CNTN6: variants seen among roughly 807,000 people sequenced by gnomAD.
CNTN6 encodes contactin 6.
In CNTN6, 137 loss-of-function variants were observed where a neutral mutation model predicts 122.8. The ratio of observed to expected loss-of-function variants is 1.12; its 90% CI spans 0.97 to 1.29. CNTN6 has a LOEUF of 1.29. Among genes scored for constraint, CNTN6 ranks in the 50% most tolerant of loss-of-function variants. The probability of loss-of-function intolerance (pLI) is 0.00; values close to 1 mark genes in which losing one functional copy is unlikely to be tolerated. For missense variants in CNTN6, 1,634 were observed against 1,223.4 expected (o/e 1.34, Z -5.01); for synonymous variants, 570 against 426.0 (o/e 1.34, Z -4.16).
chr3:1,234,444 A>G (rs1403055233), intron 4 of CNTN6, among the ~76,000 whole-genome samples: 1 of 152,158 alleles, frequency 6.6e-6, no homozygotes, highest in Non-Finnish European at 1.5e-5. Context: ...AGAGTTTCCA[A>G]ATTTCTTTAA....
chr3:1,264,872 C>T (rs540857596), intron 4 of CNTN6, among the ~76,000 whole-genome samples: 1 of 152,142 alleles, frequency 6.6e-6, no homozygotes, highest in Admixed American at 6.6e-5. Context: ...CTATGCACCC[C>T]TCTCCCCCAG....
intron 4 of CNTN6, among the ~76,000 whole-genome samples, chr3:1,275,926 T>C (rs1692270856): frequency 1.3e-5 from 2 of 152,352 alleles, no homozygotes; most frequent in Middle Eastern, 3.4e-3. Context: ...ATCCCTGTTT[T>C]ATAGTATTTG....
chr3:1,249,659 TC>T (rs1293131452), intron 4 of CNTN6, among the ~76,000 whole-genome samples: 6 of 152,238 alleles, frequency 3.9e-5, no homozygotes, highest in Non-Finnish European at 8.8e-5. Context: ...AGATCTACTT[TC>T]ACATACATAT....
At chr3:1,281,253 TA>T (rs1386510254) in intron 5 of CNTN6, among the ~76,000 whole-genome samples, 1 of 152,146 alleles carries the variant, frequency 6.6e-6, no homozygotes, top group Non-Finnish European at 1.5e-5. Flanking sequence ...CCAATCTCCC[TA>T]AAGGCTCCAT....
At chr3:1,105,482 A>G (rs2091174464) in intron 1 of CNTN6, among the ~76,000 whole-genome samples, 1 of 152,122 alleles carries the variant, frequency 6.6e-6, no homozygotes, top group East Asian at 1.9e-4. Context: ...TAAGTGTGAA[A>G]CCTTGAAAAA....
intron 2 of CNTN6, among the ~76,000 whole-genome samples, chr3:1,162,035 A>T (rs1245402535): frequency 3.3e-5 from 5 of 152,202 alleles, no homozygotes; most frequent in Non-Finnish European, 7.4e-5. Context: ...CAGAAAACAG[A>T]TGAAGAGTTT....
intron 4 of CNTN6, among the ~76,000 whole-genome samples, chr3:1,229,737 A>G (rs1284952602): frequency 1.3e-5 from 2 of 152,326 alleles, no homozygotes; most frequent in East Asian, 3.9e-4. Flanking sequence ...ATATGCTTTC[A>G]TCTGGCTAAA....
At chr3:1,278,166 A>G (rs987120255) in intron 4 of CNTN6, among the ~76,000 whole-genome samples, 2 of 152,234 alleles carry the variant, frequency 1.3e-5, no homozygotes, top group African/African-American at 4.8e-5. Context: ...TGTCTGGAAG[A>G]ATAAAAGCAA....
rs116840473 is a variant in CNTN6 at position 1,323,765 on chromosome 3, A to T, written c.946+1931A>T. Among the ~76,000 whole-genome samples the T allele has an allele frequency of 2.9e-3, 436 of 151,826 alleles. 4 individuals carry two copies. The highest frequency in any genetic ancestry group is 2.9e-3 in the Non-Finnish European group (198 of 67,806). On this transcript the variant is annotated intron_variant, in intron 8 of 22. Coordinates refer to ENST00000446702, the MANE Select transcript of CNTN6 (RefSeq NM_001289080.2). Reference sequence around the variant, plus strand: ...GTCAATATGGCAGAAAAAAATCTAAAACTCAAACCTGTATGGTAGACCCAA... The same window carrying T: ...GTCAATATGGCAGAAAAAAATCTAATACTCAAACCTGTATGGTAGACCCAA...
chr3:1,108,574 A>G (rs1574872140), intron 1 of CNTN6, among the ~76,000 whole-genome samples: 1 of 152,022 alleles, frequency 6.6e-6, no homozygotes, highest in Non-Finnish European at 1.5e-5. Context: ...AAACTGTAAT[A>G]TCATTGAGCT....
At chr3:1,393,235 T>A (rs1216646232) in intron 20 of CNTN6, among the ~76,000 whole-genome samples, 1 of 93,578 alleles carries the variant, frequency 1.1e-5, no homozygotes, top group Non-Finnish European at 2.2e-5. Flanking sequence ...CCATAAAAAA[T>A]GATGAGTTCA....
chr3:1,374,112 G>T (rs371373783), intron 16 of CNTN6, 39 bp downstream of exon 16: 5 of 1,580,478 alleles, frequency 3.2e-6, no homozygotes, highest in Non-Finnish European at 1.7e-6. Context: ...GGAAGATTTC[G>T]TATGATACAG....
At position 1,403,555 on chromosome 3, in the gene CNTN6, T is replaced by C; in HGVS notation, c.*137T>C. On this transcript the variant is annotated 3_prime_UTR_variant, in exon 23 of 23. Coordinates refer to ENST00000446702, the MANE Select transcript of CNTN6 (RefSeq NM_001289080.2). ...AAAAAAAAGTATATTATTAAAATCC[T>C]GTAAATATCTATGGTATATTAATAA... 2.0e-6 allele frequency: 1 copy of C among 501,212 alleles called. No individual in the cohort carries two copies. The highest frequency in any genetic ancestry group is 3.1e-5 in the East Asian group (1 of 32,188). 31.0% of individuals were successfully genotyped at this position (501,212 alleles called of 1,614,324 possible). A position where few individuals can be genotyped will look rare whatever the true frequency, so the allele number is the denominator to read the frequency against.
intron 19 of CNTN6, among the ~76,000 whole-genome samples, chr3:1,385,205 T>C (rs1692684256): frequency 6.6e-6 from 1 of 152,124 alleles, no homozygotes; most frequent in African/African-American, 2.4e-5. Context: ...GAATTATTAA[T>C]TAACCTGTGA....
chr3:1,347,397 A>C (rs532215659), intron 11 of CNTN6, among the ~76,000 whole-genome samples: 3 of 152,276 alleles, frequency 2.0e-5, no homozygotes, highest in African/African-American at 7.2e-5. Flanking sequence ...ATTCTAATTA[A>C]GTGGATATTA....
chr3:1,239,527 CACAA>C (rs369402398), intron 4 of CNTN6, among the ~76,000 whole-genome samples: 341 of 152,250 alleles, frequency 2.2e-3, no homozygotes, highest in Non-Finnish European at 3.4e-3. Context: ...TCATAGATGA[CACAA>C]ACAAATAGAA....
chr3:1,263,697 TG>T (rs2094883634), intron 4 of CNTN6, among the ~76,000 whole-genome samples: 1 of 152,118 alleles, frequency 6.6e-6, no homozygotes, highest in Non-Finnish European at 1.5e-5. Context: ...AACATGTTCT[TG>T]TTGAATACCT....
At chr3:1,144,088 C>T (rs1160303754) in intron 1 of CNTN6, among the ~76,000 whole-genome samples, 1 of 152,196 alleles carries the variant, frequency 6.6e-6, no homozygotes, top group African/African-American at 2.4e-5. Flanking sequence ...CTCATGCTTG[C>T]TGAATAGCTA....
At chr3:1,102,527 G>A (rs1388229978) in intron 1 of CNTN6, among the ~76,000 whole-genome samples, 6 of 151,468 alleles carry the variant, frequency 4.0e-5, no homozygotes, top group Admixed American at 2.0e-4. Context: ...TCAGGAGATC[G>A]AGACCATCCT....
Sources: gnomAD v4.1 joint callset for allele counts (sites outside exome capture counted in the v4.1 genomes callset) on GRCh38, gnomAD v4.1.1 for gene constraint, MANE v1.5 for transcripts, NCBI Gene and HGNC (gene_info 2026-07-23, HGNC 2026-07-21) for gene names.